Variants in MKNK1 observed in about 807,000 individuals in gnomAD.
MKNK1 encodes the protein MAPK interacting serine/threonine kinase 1, also known as MAP kinase-interacting serine/threonine-protein kinase 1.
In MKNK1, 30 loss-of-function variants were observed where a neutral mutation model predicts 49.3. That is an observed-to-expected ratio of 0.61 (90% CI 0.46 to 0.83). The LOEUF is 0.83. MKNK1 is among the 40% of genes least tolerant of loss of function. MKNK1 has a pLI of 0.00. For missense variants in MKNK1, 423 were observed against 524.7 expected (o/e 0.81, Z 1.89); for synonymous variants, 176 against 201.7 (o/e 0.87, Z 1.08).
intron 4 of MKNK1, among the ~76,000 whole-genome samples, chr1:46,580,262 G>GA (rs1414982796): frequency 3.9e-5 from 6 of 152,194 alleles, no homozygotes; most frequent in African/African-American, 1.4e-4. Flanking sequence ...ATTGTGCTAA[G>GA]CACTTTACCT....
At chr1:46,565,004 C>T (rs374761954) in intron 9 of MKNK1, 37 bp downstream of exon 9, 2 of 1,595,350 alleles carry the variant, frequency 1.3e-6, no homozygotes, top group Non-Finnish European at 1.7e-6. Flanking sequence ...CAGGGAAACA[C>T]TCCAAATACT....
At chr1:46,591,794 G>GT (rs1217251637) in intron 2 of MKNK1, among the ~76,000 whole-genome samples, 1 of 152,182 alleles carries the variant, frequency 6.6e-6, no homozygotes, top group Non-Finnish European at 1.5e-5. Context: ...TTTTCCTTGA[G>GT]TCAGGTGCTA....
chr1:46,588,882 T>C (rs1382539104), intron 2 of MKNK1, among the ~76,000 whole-genome samples: 1 of 152,162 alleles, frequency 6.6e-6, no homozygotes, highest in Non-Finnish European at 1.5e-5. Context: ...TGCTGAACAT[T>C]GGAGCCTGAG....
chr1:46,562,122 G>A (rs1019626619), intron 10 of MKNK1, among the ~76,000 whole-genome samples: 1 of 152,058 alleles, frequency 6.6e-6, no homozygotes, highest in African/African-American at 2.4e-5. Context: ...AGGGCTGGGC[G>A]CGGTGGCTCA....
intron 1 of MKNK1, among the ~76,000 whole-genome samples, chr1:46,597,300 C>CAAAAA (rs11312871): frequency 7.7e-6 from 1 of 130,700 alleles, no homozygotes; most frequent in Admixed American, 7.6e-5. Flanking sequence ...CGTTTTAGAG[C>CAAAAA]AAAAAAAAAA....
At chr1:46,572,791 A>C (rs1670393706) in intron 6 of MKNK1, among the ~76,000 whole-genome samples, 1 of 152,140 alleles carries the variant, frequency 6.6e-6, no homozygotes, top group African/African-American at 2.4e-5. Context: ...AAAAGGAATA[A>C]AACTGAAGGC....
rs1458036036 is a variant in MKNK1 at position 46,568,439 on chromosome 1, G to A, written c.513+4C>T. 1 of 1,613,850 alleles carries A rather than the reference G, an allele frequency of 6.2e-7. No homozygotes were observed. On this transcript the variant is annotated splice_donor_region_variant and intron_variant, in intron 8 of 12. Coordinates refer to ENST00000371945, the MANE Select transcript of MKNK1 (RefSeq NM_001135553.4). ...TATAACATTCCAAATCAGGCCCAAA[G>A]TACCTTTTCTGGAGATTCACACAAT...
intron 6 of MKNK1, 140 bp from the exon 7 acceptor site, chr1:46,572,307 G>A (rs1670308831): frequency 1.0e-5 from 6 of 589,264 alleles, no homozygotes; most frequent in Non-Finnish European, 1.8e-5. Context: ...TCCGCCTCCG[G>A]GTTCAAGCGA....
At chr1:46,595,623 T>C (rs1293449911) in intron 1 of MKNK1, among the ~76,000 whole-genome samples, 1 of 152,210 alleles carries the variant, frequency 6.6e-6, no homozygotes, top group Non-Finnish European at 1.5e-5. Flanking sequence ...TGTTAGCACA[T>C]TGGACAGTCC....
intron 7 of MKNK1, chr1:46,569,145 A>C (rs951380594): frequency 3.9e-5 from 6 of 152,342 alleles, no homozygotes; most frequent in Admixed American, 2.6e-4. Context: ...CTGTTCTTGA[A>C]ATCCTGGCCT....
chr1:46,588,349 T>C (rs905548064), intron 2 of MKNK1, among the ~76,000 whole-genome samples: 19 of 152,236 alleles, frequency 1.2e-4, no homozygotes, highest in African/African-American at 4.1e-4. Context: ...CTAATACACA[T>C]TGGAATTTGG....
chr1:46,575,783 A>C (rs1035227105), intron 5 of MKNK1: 1 of 152,228 alleles, frequency 6.6e-6, no homozygotes, highest in African/African-American at 2.4e-5. Flanking sequence ...TCTGTCCCTC[A>C]TAAAAAAAAT....
chr1:46,580,680 C>G (rs1053601551), intron 3 of MKNK1, 53 bp from the exon 4 acceptor site: 9 of 1,311,476 alleles, frequency 6.9e-6, no homozygotes, highest in South Asian at 1.2e-5. Context: ...CTACTGCAAG[C>G]TCAGATGGGA....
chr1:46,568,818 T>G (rs1474364255), intron 7 of MKNK1: 1 of 299,620 alleles, frequency 3.3e-6, no homozygotes, highest in Non-Finnish European at 6.2e-6. Context: ...AGCAGAGAGC[T>G]CTGCAAACGG....
intron 7 of MKNK1, 92 bp from the exon 8 acceptor site, chr1:46,568,590 C>A (rs773561244): frequency 8.1e-7 from 1 of 1,241,962 alleles, no homozygotes; most frequent in African/African-American, 1.5e-5. Flanking sequence ...TGCTGTAGTT[C>A]GCAGATTAAT....
intron 1 of MKNK1, 94 bp from the exon 2 acceptor site, chr1:46,594,374 A>G (rs971868946): frequency 6.8e-6 from 4 of 584,180 alleles, no homozygotes; most frequent in Non-Finnish European, 9.3e-6. Context: ...CCCCAAACCT[A>G]TGAGTTACCC....
At chr1:46,577,464 G>A (rs1256417823) in intron 4 of MKNK1, among the ~76,000 whole-genome samples, 1 of 152,074 alleles carries the variant, frequency 6.6e-6, no homozygotes. Flanking sequence ...CTAAGTAACA[G>A]AGAGACTCCA....
At chr1:46,562,943 G>T in intron 9 of MKNK1, 100 bp from the exon 10 acceptor site, 2 of 1,024,714 alleles carry the variant, frequency 2.0e-6, no homozygotes, top group Non-Finnish European at 2.8e-6. Context: ...TGGGACTGGA[G>T]CAGGAGGCTG....
At chr1:46,602,812 GGAA>G (rs750262288) in intron 1 of MKNK1, among the ~76,000 whole-genome samples, 4 of 152,158 alleles carry the variant, frequency 2.6e-5, no homozygotes, top group Non-Finnish European at 5.9e-5. Flanking sequence ...TAGTGTCTCA[GGAA>G]GAGCACAAGG....
Sources: gnomAD v4.1 joint callset for allele counts (sites outside exome capture counted in the v4.1 genomes callset) on GRCh38, gnomAD v4.1.1 for gene constraint, MANE v1.5 for transcripts, NCBI Gene and HGNC (gene_info 2026-07-23, HGNC 2026-07-21) for gene names.